The following SLC30A3 variants were observed in gnomAD, a reference collection of about 807,000 sequenced individuals.
The protein encoded by SLC30A3 is probable proton-coupled zinc antiporter SLC30A3.
In SLC30A3, 20 loss-of-function variants were observed where a neutral mutation model predicts 35.6. The observed-to-expected ratio is 0.56, with a 90% CI of 0.39 to 0.82. The LOEUF (loss-of-function observed/expected upper bound fraction) is 0.82, where lower values mean the gene tolerates loss of function less well. SLC30A3 is among the 40% of genes least tolerant of loss of function. The probability of loss-of-function intolerance (pLI) is 0.00; values close to 1 mark genes in which losing one functional copy is unlikely to be tolerated. For missense variants in SLC30A3, 401 were observed against 530.6 expected, an observed-to-expected ratio of 0.76 and a Z score of 2.40; for synonymous variants, 217 against 224.7, an observed-to-expected ratio of 0.97 and a Z score of 0.31.
At chr2:27,263,234 ACTC>A (rs928328714), upstream of SLC30A3, 7 of 584,928 alleles carry the variant, frequency 1.2e-5, no homozygotes, top group Admixed American at 6.3e-5. Flanking sequence ...GTTCTGGAGA[ACTC>A]CTCATCTCCA....
chr2:27,256,667 C>A, intron 6 of SLC30A3, 121 bp downstream of exon 6: 1 of 1,301,802 alleles, frequency 7.7e-7, no homozygotes. Context: ...CTTGTTCCAG[C>A]AGCAGACCCC....
At chr2:27,275,028 G>A (rs1037256124) in intron 1 of SLC30A3, 6 of 394,772 alleles carry the variant, frequency 1.5e-5, no homozygotes, top group Admixed American at 3.1e-5. Flanking sequence ...ATGATGGAGT[G>A]TCAGGAACAG....
chr2:27,260,324 G>A (rs984002999), intron 1 of SLC30A3, among the ~76,000 whole-genome samples: 1 of 152,170 alleles, frequency 6.6e-6, no homozygotes, highest in East Asian at 1.9e-4. Context: ...GCAGTGGGAG[G>A]AGCATGTTAA....
rs1677636111 is a variant in SLC30A3, at chr2:27,269,391, T to G, written c.-158-5309A>C. ...CAGCTAATTTTTTTTGTATTTTTAG[T>G]AGAGACGGGGTTTCACTGTGTTAGC... On this transcript the variant is annotated intron_variant, in intron 1 of 5. Transcript: ENST00000424577. Among the ~76,000 whole-genome samples, 4 of 151,946 alleles carry G rather than the reference T, an allele frequency of 2.6e-5. No individual in the cohort carries two copies. In the South Asian group the frequency reaches 6.2e-4, roughly 24 times the overall value.
upstream of SLC30A3, chr2:27,263,194 G>T (rs1677319231): frequency 3.1e-6 from 3 of 972,944 alleles, no homozygotes; most frequent in South Asian, 2.7e-5. Flanking sequence ...ATTTCCCCGC[G>T]CCAGAGCCCG....
rs1035414859 is a variant in SLC30A3 at position 27,262,529 on chromosome 2, C to T, written c.95+283G>A. ...GGCAGCTGCTCCCAGGGAAGGCAGG[C>T]GCCGCGGGGGTGGCGGAGGGGTCCG... is the stretch of plus-strand genomic sequence containing the variant. On this transcript the variant is annotated intron_variant, in intron 1 of 7. Transcript: ENST00000233535. The surrounding 1 kb of genome is among the most constrained non-coding windows in gnomAD (Gnocchi z 7.5). Among the ~76,000 whole-genome samples, 2 of 151,694 alleles carry T rather than the reference C, an allele frequency of 1.3e-5. No individual in the cohort carries two copies. Among genetic ancestry groups the T allele is most frequent in the African/African-American group, 2.4e-5 (1 of 41,312 alleles).
chr2:27,263,103 T>A (rs1677312151), upstream of SLC30A3: 6 of 1,345,724 alleles, frequency 4.5e-6, no homozygotes, highest in Non-Finnish European at 4.7e-6. Flanking sequence ...CCGCCCCGCG[T>A]GGGGCGAGCT....
Position 27,257,447 on chromosome 2 carries a change from G to T in SLC30A3, c.579-95C>A. 8.3e-7 allele frequency: 1 copy of T among 1,204,272 alleles called. No individual in the cohort carries two copies. The highest frequency in any genetic ancestry group is 1.2e-6 in the Non-Finnish European group (1 of 845,352). 74.6% of individuals were successfully genotyped at this position (1,204,272 alleles called of 1,614,324 possible). A position where few individuals can be genotyped will look rare whatever the true frequency, so the allele number is the denominator to read the frequency against. ...TCACCTCCCCAGTAGCCCTTTCCCA[G>T]CCCCTGGAAGAAAACAGCATTTTGC... On this transcript the variant is annotated intron_variant, in intron 4 of 7. Coordinates refer to ENST00000233535, the MANE Select transcript of SLC30A3 (RefSeq NM_003459.5). The surrounding 1 kb of genome is among the most constrained non-coding windows in gnomAD (Gnocchi z 4.7).
intron 1 of SLC30A3, chr2:27,275,145 C>T: frequency 5.4e-6 from 7 of 1,291,844 alleles, no homozygotes; most frequent in Non-Finnish European, 7.2e-6. Context: ...GAAGGTAACA[C>T]ACCTCTTAAG....
chr2:27,269,208 CTTT>C (rs368309600), intron 1 of SLC30A3, among the ~76,000 whole-genome samples: 8 of 127,894 alleles, frequency 6.3e-5, no homozygotes, highest in Admixed American at 1.7e-4. Flanking sequence ...CTTTTTCTTT[CTTT>C]TTTTTTTTTT....
rs181029562 is a variant in SLC30A3, at chr2:27,273,978, G to A, written c.-159+1199C>T. ...TTGGTGAGTGACCTTCGAAGGAGCTGGCGCAATGGGGGTTGGCGCAATGGC... is the reference window on the plus strand; with the variant it reads ...TTGGTGAGTGACCTTCGAAGGAGCTAGCGCAATGGGGGTTGGCGCAATGGC... On this transcript the variant is annotated intron_variant, in intron 1 of 5. Coordinates refer to the SLC30A3 transcript ENST00000424577. Among the ~76,000 whole-genome samples, 202 of 152,338 alleles carry A rather than the reference G, an allele frequency of 1.3e-3. 1 individual carries two copies. The highest frequency in any genetic ancestry group is 3.9e-3 in the Admixed American group (59 of 15,300).
At position 27,255,199 on chromosome 2, in the gene SLC30A3, G is replaced by A; in HGVS notation, c.*113C>T. 3.1e-6 allele frequency: 5 copies of A among 1,601,350 alleles called. No homozygotes were observed. Among genetic ancestry groups the A allele is most frequent in the Non-Finnish European group, 4.2e-6 (5 of 1,178,136 alleles). ...GGAAACTGGCAGGTGGTAGGAGGGA[G>A]AGAGGAAGGGGTATGGACCTGGCTC... is the stretch of plus-strand genomic sequence containing the variant. On this transcript the variant is annotated 3_prime_UTR_variant, in exon 8 of 8. Transcript: ENST00000233535. The surrounding 1 kb of genome is among the most constrained non-coding windows in gnomAD (Gnocchi z 5.2).
At chr2:27,259,727 G>A (rs1257046923) in intron 1 of SLC30A3, among the ~76,000 whole-genome samples, 2 of 152,190 alleles carry the variant, frequency 1.3e-5, no homozygotes, top group African/African-American at 4.8e-5. Flanking sequence ...GGCCAACCCA[G>A]TTAGTTGCTA....
At chr2:27,263,254 C>G (rs1022413061), upstream of SLC30A3, 4 of 538,670 alleles carry the variant, frequency 7.4e-6, no homozygotes, top group Non-Finnish European at 6.6e-6. Context: ...TCCACAGCCC[C>G]GTCCCCCAGG....
At chr2:27,256,720 T>A in intron 6 of SLC30A3, 68 bp downstream of exon 6, 1 of 1,331,506 alleles carries the variant, frequency 7.5e-7, no homozygotes, top group Non-Finnish European at 1.1e-6. Flanking sequence ...AAGAAAAAAG[T>A]GATGGCCCAC....
exon 1 of SLC30A3, chr2:27,275,309 C>T: frequency 2.2e-6 from 2 of 927,346 alleles, no homozygotes; most frequent in Non-Finnish European, 3.1e-6. Flanking sequence ...CAGCAACGCT[C>T]CTACGCTGCC....
upstream of SLC30A3, chr2:27,263,875 G>C (rs1264104939): frequency 1.5e-4 from 65 of 445,358 alleles, 1 homozygote; most frequent in South Asian, 1.0e-3. Context: ...ACTGTTTATG[G>C]AGAGGGGCTG....
Position 27,257,790 on chromosome 2 carries a change from A to G in SLC30A3, c.578+115T>C, listed in dbSNP as rs542561626. 41 of 1,042,864 alleles carry G rather than the reference A, an allele frequency of 3.9e-5. No individual in the cohort carries two copies. In the African/African-American group the frequency reaches 5.8e-4, roughly 15 times the overall value. 64.6% of individuals were successfully genotyped at this position (1,042,864 alleles called of 1,614,324 possible). A position where few individuals can be genotyped will look rare whatever the true frequency, so the allele number is the denominator to read the frequency against. On this transcript the variant is annotated intron_variant, in intron 4 of 7. Transcript: ENST00000233535. This position sits in a 1 kb window ranked among gnomAD's most constrained non-coding sequence, Gnocchi z 4.7. Reference sequence around the variant, plus strand: ...GGCACACGCAGGGCAGCCCATGGAGAGCTGTGTGTGCGTGTCTGTGTGTCT... The same window carrying G: ...GGCACACGCAGGGCAGCCCATGGAGGGCTGTGTGTGCGTGTCTGTGTGTCT...
chr2:27,275,186 G>A (rs1298966095), exon 1 of SLC30A3: 5 of 1,303,850 alleles, frequency 3.8e-6, no homozygotes, highest in Middle Eastern at 2.1e-4. Flanking sequence ...CCTCTCATCC[G>A]CCACGGTCAG....
Sources: allele counts gnomAD v4.1 joint callset (sites outside exome capture counted in the v4.1 genomes callset), GRCh38; gene constraint gnomAD v4.1.1; non-coding constraint Gnocchi (gnomAD v3.1); transcripts MANE v1.5; gene names NCBI Gene and HGNC (gene_info 2026-07-23, HGNC 2026-07-21).